SPAG16: variants seen among roughly 807,000 people sequenced by gnomAD.
The protein encoded by SPAG16 is sperm associated antigen 16.
In SPAG16, 86 loss-of-function variants were observed where a neutral mutation model predicts 80.4. That is an observed-to-expected ratio of 1.07 (90% confidence interval 0.90 to 1.28). The LOEUF is 1.28. Ranked by LOEUF, SPAG16 falls within the 50% of genes most tolerant of loss-of-function variation. The pLI is 0.00. For missense variants in SPAG16, 870 were observed against 765.3 expected, an observed-to-expected ratio of 1.14 and a Z score of -1.61; for synonymous variants, 294 against 265.9, an observed-to-expected ratio of 1.11 and a Z score of -1.03.
chr2:213,666,803 G>A (rs757096726), intron 10 of SPAG16, among the ~76,000 whole-genome samples: 6 of 152,188 alleles, frequency 3.9e-5, no homozygotes, highest in African/African-American at 4.8e-5. Context: ...GAGAAGGAAG[G>A]CCAGTACAAA....
At chr2:213,320,275 A>G (rs1383233001) in intron 5 of SPAG16, among the ~76,000 whole-genome samples, 2 of 151,980 alleles carry the variant, frequency 1.3e-5, no homozygotes, top group Non-Finnish European at 2.9e-5. Context: ...ATTTTGATAC[A>G]TATGTATCAA....
intron 11 of SPAG16, among the ~76,000 whole-genome samples, chr2:213,892,844 T>C (rs934242931): frequency 2.0e-5 from 3 of 152,086 alleles, no homozygotes; most frequent in African/African-American, 4.8e-5. Context: ...ATTATTAGTG[T>C]TCATGAGAAA....
intron 10 of SPAG16, among the ~76,000 whole-genome samples, chr2:213,596,874 T>A (rs1400075775): frequency 6.6e-6 from 1 of 152,124 alleles, no homozygotes; most frequent in Non-Finnish European, 1.5e-5. Context: ...GACCCCCTCC[T>A]AGTTTTTTTT....
chr2:214,397,984 C>T (rs1422104876), intron 15 of SPAG16, among the ~76,000 whole-genome samples: 2 of 152,168 alleles, frequency 1.3e-5, no homozygotes, highest in South Asian at 2.1e-4. Context: ...TAGTAAATCA[C>T]ACCCTTCCGC....
intron 3 of SPAG16, among the ~76,000 whole-genome samples, chr2:213,307,867 T>C (rs1259370505): frequency 6.6e-6 from 1 of 152,208 alleles, no homozygotes. Flanking sequence ...GACTTTTTAA[T>C]GATTGTCGAA....
chr2:213,618,449 C>T (rs868174768), intron 10 of SPAG16, among the ~76,000 whole-genome samples: 10 of 152,120 alleles, frequency 6.6e-5, no homozygotes, highest in Admixed American at 2.0e-4. Flanking sequence ...TACAAACAGT[C>T]CCCCCAAACT....
chr2:213,857,030 G>A lies in SPAG16; in HGVS notation c.1071-5455G>A, dbSNP rs537286608. 6.6e-5 allele frequency among the ~76,000 whole-genome samples: 10 copies of A among 152,258 alleles called. No individual in the cohort carries two copies. In the East Asian group the frequency reaches 1.9e-3, roughly 30 times the overall value. On this transcript the variant is annotated intron_variant, in intron 10 of 15. Coordinates refer to ENST00000331683, the MANE Select transcript of SPAG16 (RefSeq NM_024532.5). The stretch of plus-strand genomic sequence containing the variant: ...GGGTCACCTAAAGTCAGGAATTAGA[G>A]ACCAGCCTGGCCAACATGGCGAAAC...
At chr2:213,818,726 C>G (rs558099686) in intron 10 of SPAG16, among the ~76,000 whole-genome samples, 1 of 152,204 alleles carries the variant, frequency 6.6e-6, no homozygotes, top group East Asian at 1.9e-4. Context: ...AGGGAGGAAC[C>G]TAGTGGGAGG....
At chr2:213,541,599 G>A (rs1478832694) in intron 10 of SPAG16, among the ~76,000 whole-genome samples, 3 of 152,166 alleles carry the variant, frequency 2.0e-5, no homozygotes, top group Non-Finnish European at 4.4e-5. Context: ...CAGCCTGGGT[G>A]ACACAGACAG....
chr2:214,262,352 C>T (rs942381020), intron 15 of SPAG16, among the ~76,000 whole-genome samples: 1 of 151,734 alleles, frequency 6.6e-6, no homozygotes, highest in East Asian at 1.9e-4. Context: ...TCTTGAATTA[C>T]CTGTAATATA....
intron 10 of SPAG16, among the ~76,000 whole-genome samples, chr2:213,522,315 G>C (rs2075708296): frequency 6.6e-6 from 1 of 152,142 alleles, no homozygotes; most frequent in Admixed American, 6.6e-5. Flanking sequence ...TTTCACATGA[G>C]ACAATATATT....
intron 9 of SPAG16, among the ~76,000 whole-genome samples, chr2:213,394,728 A>C (rs2067945455): frequency 2.0e-5 from 3 of 152,196 alleles, no homozygotes; most frequent in Admixed American, 1.3e-4. Context: ...TACACTTGGC[A>C]TAATTCCACT....
chr2:214,406,761 A>G (rs955267768), intron 15 of SPAG16, among the ~76,000 whole-genome samples: 4 of 152,264 alleles, frequency 2.6e-5, no homozygotes, highest in African/African-American at 9.6e-5. Context: ...AGGAGTTGGC[A>G]AATTCATCCA....
intron 15 of SPAG16, among the ~76,000 whole-genome samples, chr2:214,258,243 C>A (rs1240591257): frequency 6.6e-6 from 1 of 151,660 alleles, no homozygotes; most frequent in African/African-American, 2.4e-5. Flanking sequence ...CCTCACCCCC[C>A]TCCCACTCTT....
At chr2:214,190,401 A>C (rs2057624760) in intron 15 of SPAG16, among the ~76,000 whole-genome samples, 2 of 152,118 alleles carry the variant, frequency 1.3e-5, no homozygotes, top group African/African-American at 4.8e-5. Context: ...TATGCCCCCA[A>C]ATTTTGAAAA....
intron 15 of SPAG16, among the ~76,000 whole-genome samples, chr2:214,303,641 A>G (rs1372124229): frequency 1.3e-5 from 2 of 152,104 alleles, no homozygotes; most frequent in Admixed American, 1.3e-4. Context: ...TGTCCTCTGA[A>G]TTTCTTGTGT....
intron 15 of SPAG16, among the ~76,000 whole-genome samples, chr2:214,156,867 G>A (rs1559091102): frequency 1.3e-5 from 2 of 152,260 alleles, no homozygotes; most frequent in East Asian, 3.9e-4. Context: ...TATCTCTAAA[G>A]CATAAGGCAG....
chr2:213,525,845 A>G (rs1372296203), intron 10 of SPAG16, among the ~76,000 whole-genome samples: 1 of 152,146 alleles, frequency 6.6e-6, no homozygotes, highest in Non-Finnish European at 1.5e-5. Flanking sequence ...ACAGATGTAG[A>G]TATACATATC....
intron 12 of SPAG16, among the ~76,000 whole-genome samples, chr2:213,933,639 G>T (rs1453743002): frequency 2.0e-5 from 3 of 152,198 alleles, no homozygotes; most frequent in Non-Finnish European, 4.4e-5. Flanking sequence ...CAAGAATTGG[G>T]TGGTTTGTAC....
Sources: allele counts gnomAD v4.1 joint callset (sites outside exome capture counted in the v4.1 genomes callset), GRCh38; gene constraint gnomAD v4.1.1; transcripts MANE v1.5; gene names NCBI Gene and HGNC (gene_info 2026-07-23, HGNC 2026-07-21).